Variants in PIEZO1 observed in about 807,000 individuals in gnomAD.
PIEZO1 encodes the protein piezo type mechanosensitive ion channel component 1 (Er blood group).
Under a neutral mutation model 297.2 loss-of-function variants are expected in PIEZO1, and 296 were observed. That is an observed-to-expected ratio of 1.00 (90% CI 0.91 to 1.10). The LOEUF is 1.10. Among genes scored for constraint, PIEZO1 ranks in the 50% least tolerant of loss-of-function variants. The probability of loss-of-function intolerance (pLI) is 0.00; values close to 1 mark genes in which losing one functional copy is unlikely to be tolerated. For synonymous variants in PIEZO1, 2,427 were observed against 1,507.5 expected (o/e 1.61, Z -14.13); for missense variants, 5,018 against 3,455.5 (o/e 1.45, Z -11.34).
chr16:88,780,511 C>G (rs542526509), intron 1 of PIEZO1, among the ~76,000 whole-genome samples: 75 of 152,296 alleles, frequency 4.9e-4, no homozygotes, highest in Admixed American at 4.2e-3. Flanking sequence ...ACACAGGACC[C>G]ACACCCAGCA....
At position 88,742,016 on chromosome 16, in the gene PIEZO1, G is replaced by T. The variant is rs377093337; in HGVS notation, c.326+37C>A. 3,138 of 1,533,726 alleles carry T rather than the reference G, an allele frequency of 2.0e-3. 4 individuals carry two copies. Among genetic ancestry groups the T allele is most frequent in the Non-Finnish European group, 2.3e-3 (2,605 of 1,144,936 alleles). On this transcript the variant is annotated intron_variant, in intron 4 of 50. Transcript: ENST00000301015. Reference sequence around the variant, plus strand: ...TTCCTGGGGCCTGAAATCCCCAAGGGAGGCTTGCTGGTTGGGGGTGGGAGG... The same window carrying T: ...TTCCTGGGGCCTGAAATCCCCAAGGTAGGCTTGCTGGTTGGGGGTGGGAGG...
At chr16:88,737,153 C>T (rs1363128757) in intron 10 of PIEZO1, 1 of 252,712 alleles carries the variant, frequency 4.0e-6, no homozygotes. Flanking sequence ...GGCGACGTGG[C>T]CAACACAGAG....
intron 1 of PIEZO1, among the ~76,000 whole-genome samples, chr16:88,776,490 G>T (rs923791559): frequency 2.0e-5 from 3 of 152,170 alleles, no homozygotes; most frequent in Admixed American, 6.5e-5. Context: ...TCAGGGCATT[G>T]CCCGGGGCCC....
intron 5 of PIEZO1, chr16:88,738,970 C>T (rs1905450814): frequency 3.5e-6 from 2 of 579,220 alleles, no homozygotes; most frequent in Non-Finnish European, 3.1e-6. Context: ...GTAGCAGCTC[C>T]CACCCTGGCC....
chr16:88,720,722 C>T lies in PIEZO1; in HGVS notation c.5695G>A (p.Gly1899Arg), dbSNP rs757623895. The change falls in exon 40 of 51, where the codon GGG becomes AGG. Residue 1899 changes from glycine to arginine, a missense_variant. By Grantham distance (125) the Gly-to-Arg change is moderately radical. Transcript: ENST00000301015. ...GTGGGGGCCTCTTTCTCTTCCTCCCCCTCTTCTTCCTCCCTGTCCTCAGCT... is the reference window on the plus strand; with the variant it reads ...GTGGGGGCCTCTTTCTCTTCCTCCCTCTCTTCTTCCTCCCTGTCCTCAGCT... ...IEAEDREEEE[G>R]EEEKEAPTGR... The T allele has an allele frequency of 6.6e-6, 10 of 1,523,768 alleles. No homozygotes were observed. In the African/African-American group the frequency reaches 8.4e-5, roughly 13 times the overall value. The allele number at this position is 1,523,768 out of a possible 1,614,324, so 94.4% of individuals were successfully genotyped here. A position where few individuals can be genotyped will look rare whatever the true frequency, so the allele number is the denominator to read the frequency against.
At chr16:88,718,778 G>A (rs1912224565) in intron 44 of PIEZO1, 1 of 152,790 alleles carries the variant, frequency 6.5e-6, no homozygotes, top group Non-Finnish European at 1.5e-5. Context: ...GTGTGATCAG[G>A]CTTAATGCAG....
At chr16:88,728,366 A>C (rs949760063) in intron 22 of PIEZO1, among the ~76,000 whole-genome samples, 6 of 152,214 alleles carry the variant, frequency 3.9e-5, no homozygotes, top group Admixed American at 3.9e-4. Flanking sequence ...TCTGCCACAG[A>C]GGGAACCTCG....
intron 1 of PIEZO1, among the ~76,000 whole-genome samples, chr16:88,760,634 G>A (rs1906887924): frequency 6.6e-6 from 1 of 152,036 alleles, no homozygotes; most frequent in Admixed American, 6.5e-5. Flanking sequence ...GGCCCGAGGG[G>A]AGCCACCCGT....
intron 24 of PIEZO1, 35 bp downstream of exon 24, chr16:88,727,004 A>G (rs760996462): frequency 1.3e-6 from 2 of 1,548,852 alleles, no homozygotes; most frequent in South Asian, 1.2e-5. Context: ...CACCCCTCCC[A>G]GAAGGTTCCC....
chr16:88,746,469 C>T (rs1001491809), intron 2 of PIEZO1, among the ~76,000 whole-genome samples: 1 of 152,180 alleles, frequency 6.6e-6, no homozygotes, highest in Non-Finnish European at 1.5e-5. Context: ...CAGCCCCAGC[C>T]CCTACCCCTC....
Position 88,721,804 on chromosome 16 carries a change from C to G in PIEZO1, c.5214+4G>C. ...GCGCCCCCTCCCCCGCGGCCTCGGC[C>G]CACCTCGGTGAAGACGATGGCCGTC... is the stretch of plus-strand genomic sequence containing the variant. On this transcript the variant is annotated splice_donor_region_variant and intron_variant, in intron 37 of 50. Transcript: ENST00000301015. The G allele has an allele frequency of 3.2e-6, 5 of 1,542,494 alleles. No homozygotes were observed. Among genetic ancestry groups the G allele is most frequent in the Non-Finnish European group, 4.4e-6 (5 of 1,144,244 alleles).
In PIEZO1 at chr16:88,728,252, C is replaced by A. The variant is rs142344882; in HGVS notation, c.3197-591G>T. ...GGGGAGGGAGCCGTGGCACTGCCGG[C>A]CCCCGGCCACACTTCCTGGGAGGCG... On this transcript the variant is annotated intron_variant, in intron 22 of 50. Coordinates refer to ENST00000301015, the MANE Select transcript of PIEZO1 (RefSeq NM_001142864.4). Among the ~76,000 whole-genome samples, 363 of 152,376 alleles carry A rather than the reference C, an allele frequency of 2.4e-3. 2 individuals carry two copies. The highest frequency in any genetic ancestry group is 8.2e-3 in the African/African-American group (340 of 41,592).
intron 29 of PIEZO1, 113 bp downstream of exon 29, chr16:88,725,303 C>G (rs1019732662): frequency 2.7e-6 from 2 of 745,800 alleles, no homozygotes; most frequent in African/African-American, 3.6e-5. Flanking sequence ...GCGGACAGGA[C>G]AGGCGGGCTG....
intron 2 of PIEZO1, among the ~76,000 whole-genome samples, chr16:88,746,949 C>T (rs1222276755): frequency 6.6e-6 from 1 of 152,238 alleles, no homozygotes; most frequent in Non-Finnish European, 1.5e-5. Flanking sequence ...GGGGTGCCCA[C>T]CCACCCCAGC....
At position 88,721,995 on chromosome 16, in the gene PIEZO1, A is replaced by C. The variant is rs1272376208; in HGVS notation, c.5027T>G (p.Leu1676Arg). The change falls in exon 37 of 51, where the codon CTG becomes CGG. Residue 1676 changes from leucine to arginine, a missense_variant. Transcript: ENST00000301015. ...AEGQGRALRL[L>R]RAVYQCVAAH... ...GGCCACACACTGGTACACGGCCCGC[A>C]GCAGCCGCAGCGCCCGGCCCTGCCC... The C allele has an allele frequency of 1.3e-6, 2 of 1,549,282 alleles. No individual in the cohort carries two copies. Among genetic ancestry groups the C allele is most frequent in the African/African-American group, 2.7e-5 (2 of 73,024 alleles).
At position 88,732,920 on chromosome 16, in the gene PIEZO1, G is replaced by A. The variant is rs945838371; in HGVS notation, c.2665-188C>T. On this transcript the variant is annotated intron_variant, in intron 19 of 50. Transcript: ENST00000301015. ...GTGTTTGAGAAACAGGGAGACCACG[G>A]GCAGGGGCTGGGGGAGTGAAGAGAG... The A allele has an allele frequency of 2.9e-5, 18 of 623,646 alleles. No homozygotes were observed. The African/African-American group carries it at 2.9e-4, about 10-fold the overall frequency. The allele number at this position is 623,646 out of a possible 1,614,324, so 38.6% of individuals were successfully genotyped here.
In PIEZO1 at chr16:88,732,730, G is replaced by C. The variant is rs1361826503; in HGVS notation, c.2667C>G (p.Pro889=). The C allele has an allele frequency of 6.5e-7, 1 of 1,545,164 alleles. No individual in the cohort carries two copies. Among genetic ancestry groups the C allele is most frequent in the African/African-American group, 1.4e-5 (1 of 73,006 alleles). The change falls in exon 20 of 51, where the codon CCC becomes CCG. Residue 889 remains proline, a splice_region_variant and synonymous_variant. Coordinates refer to ENST00000301015, the MANE Select transcript of PIEZO1 (RefSeq NM_001142864.4). The stretch of plus-strand genomic sequence containing the variant: ...GCAGCAAGTTGGTGCTGTTGGGGAA[G>C]GGCTGGCAAGAGGCCAGGCATCAGT... ...PQEYSSNCTE[P]FPNSTNLLPT... is the part of the protein sequence containing the mutation.
At chr16:88,763,288 A>G (rs1907013795) in intron 1 of PIEZO1, among the ~76,000 whole-genome samples, 1 of 152,200 alleles carries the variant, frequency 6.6e-6, no homozygotes, top group Non-Finnish European at 1.5e-5. Flanking sequence ...CTGTGTGAAC[A>G]GGGCGGCCCA....
chr16:88,774,692 G>A (rs188577377), intron 1 of PIEZO1, among the ~76,000 whole-genome samples: 3 of 152,340 alleles, frequency 2.0e-5, no homozygotes, highest in Admixed American at 2.0e-4. Flanking sequence ...TGGGGCCCAA[G>A]GGCAAAGAGA....
Sources: gnomAD v4.1 joint callset for allele counts (sites outside exome capture counted in the v4.1 genomes callset) on GRCh38, gnomAD v4.1.1 for gene constraint, MANE v1.5 for transcripts, NCBI Gene and HGNC (gene_info 2026-07-23, HGNC 2026-07-21) for gene names.